The following RNF146 variants were observed in gnomAD, a reference collection of about 807,000 sequenced individuals.
RNF146 encodes E3 ubiquitin-protein ligase RNF146.
RNF146 carries 11 observed loss-of-function variants against 29.7 expected under a neutral mutation model. The observed-to-expected ratio is 0.37, with a 90% confidence interval of 0.23 to 0.61. The LOEUF (loss-of-function observed/expected upper bound fraction) is 0.61. Ranked by LOEUF, RNF146 falls within the 20% of genes least tolerant of loss-of-function variation. The pLI, the probability that RNF146 is intolerant of heterozygous loss-of-function variation, is 0.66. For synonymous variants in RNF146, 150 were observed against 159.7 expected (o/e 0.94, Z 0.46); for missense variants, 342 against 438.9 (o/e 0.78, Z 1.97).
At chr6:127,277,945 C>T (rs940433853) in intron 1 of RNF146, among the ~76,000 whole-genome samples, 18 of 151,986 alleles carry the variant, frequency 1.2e-4, no homozygotes, top group Admixed American at 1.0e-3. Context: ...TAGGATAAGT[C>T]AGCTTGTATT....
At chr6:127,279,154 G>A (rs1440248776) in intron 1 of RNF146, among the ~76,000 whole-genome samples, 1 of 151,778 alleles carries the variant, frequency 6.6e-6, no homozygotes, top group African/African-American at 2.4e-5. Context: ...TATTTCCTAT[G>A]TTTCTCATGC....
chr6:127,280,185 A>G, intron 1 of RNF146, 46 bp from the exon 2 acceptor site: 1 of 713,256 alleles, frequency 1.4e-6, no homozygotes, highest in Non-Finnish European at 2.3e-6. Context: ...ATTATACATA[A>G]TTAACTGATT....
At chr6:127,285,417 GA>G in intron 2 of RNF146, 1 of 698,328 alleles carries the variant, frequency 1.4e-6, no homozygotes, top group Non-Finnish European at 1.7e-6. Context: ...TTAGCTGGCA[GA>G]GAGATTGTCA....
chr6:127,280,250 G>A lies in RNF146; in HGVS notation c.-89G>A, dbSNP rs1778755763. On this transcript the variant is annotated 5_prime_UTR_variant, in exon 2 of 3. The change creates a new upstream start codon in the 5' untranslated region. Transcript: ENST00000368314. ...TTGCAGCACAAAGAATGAACCAGCAGTGGAAGAGAAAATACTGTAAGCTGG... is the reference window on the plus strand; with the variant it reads ...TTGCAGCACAAAGAATGAACCAGCAATGGAAGAGAAAATACTGTAAGCTGG... 1.5e-6 allele frequency: 2 copies of A among 1,301,444 alleles called. No individual in the cohort carries two copies. The highest frequency in any genetic ancestry group is 5.1e-5 in the East Asian group (2 of 39,568). The allele number at this position is 1,301,444 out of a possible 1,614,324, so 80.6% of individuals were successfully genotyped here. A position where few individuals can be genotyped will look rare whatever the true frequency, so the allele number is the denominator to read the frequency against.
chr6:127,277,857 G>C (rs149550572), intron 1 of RNF146, among the ~76,000 whole-genome samples: 1 of 151,926 alleles, frequency 6.6e-6, no homozygotes, highest in Non-Finnish European at 1.5e-5. Context: ...GTTGACACTC[G>C]GTATTAACCA....
chr6:127,284,195 C>G (rs1028447417), intron 2 of RNF146, among the ~76,000 whole-genome samples: 1 of 151,758 alleles, frequency 6.6e-6, no homozygotes, highest in African/African-American at 2.4e-5. Context: ...AAAAGCATGG[C>G]ATTGGTCCAC....
intron 1 of RNF146, among the ~76,000 whole-genome samples, chr6:127,275,652 T>C (rs1778102428): frequency 6.6e-6 from 1 of 152,050 alleles, no homozygotes; most frequent in South Asian, 2.1e-4. Context: ...TAGAAAAACA[T>C]ACAAAACATA....
In RNF146 at chr6:127,286,479, C is replaced by G; in HGVS notation, c.3-137C>G. The G allele has an allele frequency of 1.1e-6, 1 of 878,712 alleles. No individual in the cohort carries two copies. Among genetic ancestry groups the G allele is most frequent in the Non-Finnish European group, 1.7e-6 (1 of 593,364 alleles). 54.4% of individuals were successfully genotyped at this position (878,712 alleles called of 1,614,324 possible). The stretch of plus-strand genomic sequence containing the variant: ...GGTTGGAGAGTTTTTCCTCTACTTT[C>G]ATCTTCATATCCCCATTGTCTAGTA... On this transcript the variant is annotated intron_variant, in intron 2 of 2. Coordinates refer to ENST00000368314, the MANE Select transcript of RNF146 (RefSeq NM_001242850.2). This position sits in a 1 kb window ranked among gnomAD's most constrained non-coding sequence, Gnocchi z 4.6.
At chr6:127,273,969 A>G (rs539014271) in intron 1 of RNF146, among the ~76,000 whole-genome samples, 3 of 152,120 alleles carry the variant, frequency 2.0e-5, no homozygotes, top group South Asian at 2.1e-4. Flanking sequence ...ATATTGATGG[A>G]AAGTCATTAT....
At chr6:127,284,256 A>G (rs994387866) in intron 2 of RNF146, among the ~76,000 whole-genome samples, 1 of 151,718 alleles carries the variant, frequency 6.6e-6, no homozygotes. Flanking sequence ...GTTTTTATTT[A>G]TGTTTTCAGT....
chr6:127,275,682 T>G (rs1778109712), intron 1 of RNF146, among the ~76,000 whole-genome samples: 1 of 152,106 alleles, frequency 6.6e-6, no homozygotes, highest in South Asian at 2.1e-4. Context: ...ACAGTTAACT[T>G]TCTGGAGGTA....
Position 127,272,793 on chromosome 6 carries a change from G to C in RNF146, c.-109+5868G>C, listed in dbSNP as rs139667561. 3.3e-5 allele frequency among the ~76,000 whole-genome samples: 5 copies of C among 152,302 alleles called. 1 individual carries two copies. The highest frequency in any genetic ancestry group is 2.6e-4 in the Admixed American group (4 of 15,296). On this transcript the variant is annotated intron_variant, in intron 1 of 2. Coordinates refer to ENST00000368314, the MANE Select transcript of RNF146 (RefSeq NM_001242850.2). ...ACCCCTTGCACAATTGAAAATCTGA[G>C]TATAAGTTTTGACTTCCCCAAAATT...
At chr6:127,277,177 A>G (rs979172917) in intron 1 of RNF146, among the ~76,000 whole-genome samples, 4 of 152,068 alleles carry the variant, frequency 2.6e-5, no homozygotes, top group Non-Finnish European at 5.9e-5. Context: ...GGTATGTTAA[A>G]GTCAGTGTGA....
At chr6:127,271,400 C>T (rs1321541463) in intron 1 of RNF146, among the ~76,000 whole-genome samples, 1 of 152,156 alleles carries the variant, frequency 6.6e-6, no homozygotes, top group African/African-American at 2.4e-5. Context: ...TTGGGGCTAC[C>T]TAAACCCATT....
intron 2 of RNF146, among the ~76,000 whole-genome samples, chr6:127,282,915 A>C (rs1428480059): frequency 1.3e-5 from 2 of 151,818 alleles, no homozygotes; most frequent in Admixed American, 6.6e-5. Context: ...CTAAATTCAG[A>C]CTTTAAAAAT....
chr6:127,281,194 ATAT>A (rs1171145527), intron 2 of RNF146, among the ~76,000 whole-genome samples: 1 of 151,692 alleles, frequency 6.6e-6, no homozygotes, highest in Non-Finnish European at 1.5e-5. Context: ...AAGTATGACC[ATAT>A]TATTTTTATT....
In RNF146 at chr6:127,287,759, C is replaced by A; in HGVS notation, c.*66C>A. 1.0e-6 allele frequency: 1 copy of A among 969,364 alleles called. No homozygotes were observed. Among genetic ancestry groups the A allele is most frequent in the Non-Finnish European group, 1.6e-6 (1 of 634,282 alleles). The allele number at this position is 969,364 out of a possible 1,614,324, so 60.0% of individuals were successfully genotyped here. ...TACCTGTAAATTTCTGCCCACATAA[C>A]ATTATACTCATCCCTAGTAGTGCAT... On this transcript the variant is annotated 3_prime_UTR_variant, in exon 3 of 3. Transcript: ENST00000368314.
intron 1 of RNF146, among the ~76,000 whole-genome samples, chr6:127,272,472 T>G (rs1203887075): frequency 3.9e-5 from 6 of 152,240 alleles, no homozygotes; most frequent in Non-Finnish European, 5.9e-5. Context: ...ATATAGAAAT[T>G]GAAAAAGTCA....
intron 2 of RNF146, among the ~76,000 whole-genome samples, chr6:127,280,934 T>C (rs1273770412): frequency 6.6e-6 from 1 of 151,758 alleles, no homozygotes; most frequent in Non-Finnish European, 1.5e-5. Flanking sequence ...TGAAACATTT[T>C]TCACTATGAA....
Sources: gnomAD v4.1 joint callset for allele counts (sites outside exome capture counted in the v4.1 genomes callset) on GRCh38, gnomAD v4.1.1 for gene constraint, Gnocchi (gnomAD v3.1) non-coding constraint, MANE v1.5 for transcripts, NCBI Gene and HGNC (gene_info 2026-07-23, HGNC 2026-07-21) for gene names.